The following CAPZA1 variants were observed in gnomAD, a reference collection of about 807,000 sequenced individuals.
CAPZA1 encodes F-actin-capping protein subunit alpha-1.
In CAPZA1, 10 loss-of-function variants were observed where a neutral mutation model predicts 40.8. That is an observed-to-expected ratio of 0.25 (90% confidence interval 0.15 to 0.42). The LOEUF (loss-of-function observed/expected upper bound fraction) is 0.42, where lower values mean the gene tolerates loss of function less well. Among genes scored for constraint, CAPZA1 ranks in the 10% least tolerant of loss-of-function variants. The pLI is 1.00. For synonymous variants in CAPZA1, 98 were observed against 115.0 expected (o/e 0.85, Z 0.95); for missense variants, 277 against 353.8 (o/e 0.78, Z 1.74).
At chr1:112,629,173 A>G (rs1670872736) in intron 1 of CAPZA1, among the ~76,000 whole-genome samples, 1 of 152,092 alleles carries the variant, frequency 6.6e-6, no homozygotes, top group Non-Finnish European at 1.5e-5. Context: ...TATCTCCTAC[A>G]TGTTCTTCTT....
At chr1:112,660,256 T>C (rs1458795229) in intron 7 of CAPZA1, among the ~76,000 whole-genome samples, 3 of 150,502 alleles carry the variant, frequency 2.0e-5, no homozygotes, top group Non-Finnish European at 3.0e-5. Flanking sequence ...CAGAAGTAGA[T>C]TGATTGATTG....
chr1:112,649,264 G>A lies in CAPZA1; in HGVS notation c.104-154G>A, dbSNP rs182759102. On this transcript the variant is annotated intron_variant, in intron 2 of 9. Transcript: ENST00000263168. The stretch of plus-strand genomic sequence containing the variant: ...ATTGTACACAAATCTGTGAACATTA[G>A]CATCTTTTTATTTGCATGTTTAGAA... 3.0e-3 allele frequency among the ~76,000 whole-genome samples: 454 copies of A among 152,248 alleles called. 1 individual carries two copies. The highest frequency in any genetic ancestry group is 0.01 in the African/African-American group (434 of 41,546).
At chr1:112,656,439 G>GGTTTTT (rs1671501002) in intron 5 of CAPZA1, among the ~76,000 whole-genome samples, 1 of 9,044 alleles carries the variant, frequency 1.1e-4, no homozygotes, top group Non-Finnish European at 2.0e-4. Flanking sequence ...CATTATGTTT[G>GGTTTTT]ATTTTTTTTT....
At chr1:112,619,910 C>T in intron 1 of CAPZA1, 27 bp downstream of exon 1, 1 of 1,586,826 alleles carries the variant, frequency 6.3e-7, no homozygotes, top group South Asian at 1.1e-5. Context: ...TCTCTCTTAC[C>T]TCCTCCCCCG....
chr1:112,638,897 C>CATAGATATAGATATAGATATAGAT (rs71084484), intron 1 of CAPZA1, among the ~76,000 whole-genome samples: 1,684 of 139,110 alleles, frequency 0.012, 38 homozygotes, highest in African/African-American at 0.042. Flanking sequence ...AGCGAGACTC[C>CATAGATATAGATATAGATATAGAT]ATAGATATAG....
chr1:112,626,534 A>G (rs1670810603), intron 1 of CAPZA1, among the ~76,000 whole-genome samples: 1 of 152,068 alleles, frequency 6.6e-6, no homozygotes, highest in Non-Finnish European at 1.5e-5. Flanking sequence ...AGTAGCCAAT[A>G]TTACCAATTC....
chr1:112,631,236 GTTTGT>G (rs1322448119), intron 1 of CAPZA1, among the ~76,000 whole-genome samples: 1 of 152,164 alleles, frequency 6.6e-6, no homozygotes, highest in Admixed American at 6.6e-5. Context: ...TTGTTTTGTG[GTTTGT>G]TTTGAGTGAA....
rs988847461 is a variant in CAPZA1, at chr1:112,664,649, G to A, written c.586-2425G>A. On this transcript the variant is annotated intron_variant, in intron 7 of 9. Transcript: ENST00000263168. ...ATAAGAGTTTTTGTAAAGATTAAAT[G>A]TGGTGGCCTAGCGCAGTGGCTCATG... 3.9e-5 allele frequency among the ~76,000 whole-genome samples: 6 copies of A among 152,204 alleles called. 1 individual carries two copies. Among genetic ancestry groups the A allele is most frequent in the Admixed American group, 2.6e-4 (4 of 15,286 alleles).
rs60802838 is a variant in CAPZA1 at position 112,644,184 on chromosome 1, C to CTTTTTTTTTT, written c.40-3011_40-3002dup. Reference sequence around the variant, plus strand: ...TTTTTTTCTAATTCTCTTCTCCCAGCTTTTTTTTTTTTTTTTTTTTTTTTG... The same window carrying CTTTTTTTTTT: ...TTTTTTTCTAATTCTCTTCTCCCAGCTTTTTTTTTTTTTTTTTTTTTTTTTTTTTTTTTTG... On this transcript the variant is annotated intron_variant, in intron 1 of 9. Coordinates refer to ENST00000263168, the MANE Select transcript of CAPZA1 (RefSeq NM_006135.3). 1.8e-3 allele frequency among the ~76,000 whole-genome samples: 101 copies of CTTTTTTTTTT among 56,790 alleles called. 12 individuals are homozygous for CTTTTTTTTTT. Among genetic ancestry groups the CTTTTTTTTTT allele is most frequent in the African/African-American group, 5.4e-3 (68 of 12,660 alleles). 37.3% of individuals were successfully genotyped at this position (56,790 alleles called of 152,430 possible). A position where few individuals can be genotyped will look rare whatever the true frequency, so the allele number is the denominator to read the frequency against.
intron 1 of CAPZA1, among the ~76,000 whole-genome samples, chr1:112,642,955 G>C (rs913177815): frequency 6.6e-6 from 1 of 152,050 alleles, no homozygotes; most frequent in African/African-American, 2.4e-5. Flanking sequence ...TTGATAGTGT[G>C]TGAATATGTA....
chr1:112,653,870 A>G (rs754749996), intron 4 of CAPZA1, among the ~76,000 whole-genome samples: 1 of 152,232 alleles, frequency 6.6e-6, no homozygotes, highest in Non-Finnish European at 1.5e-5. Context: ...CTTAACAAGA[A>G]CAGTGAAAAT....
rs1159495836 is a variant in CAPZA1, at chr1:112,669,530, C to T, written c.658-13C>T. On this transcript the variant is annotated splice_polypyrimidine_tract_variant and intron_variant, in intron 8 of 9. Transcript: ENST00000263168. ...AAAAAATCTGATTTTCCCCTTCTTC[C>T]TTCCTTCATTAGAATGAAGCCCAAA... 5.0e-6 allele frequency: 8 copies of T among 1,596,508 alleles called. No homozygotes were observed. The East Asian group carries it at 1.6e-4, about 31-fold the overall frequency.
chr1:112,669,844 G>A (rs2101195931), intron 9 of CAPZA1, 148 bp from the exon 10 acceptor site: 1 of 890,932 alleles, frequency 1.1e-6, no homozygotes, highest in South Asian at 1.7e-5. Flanking sequence ...ACCTACTTCA[G>A]AGATTGGAGA....
At chr1:112,638,134 A>G (rs975170660) in intron 1 of CAPZA1, among the ~76,000 whole-genome samples, 1 of 152,172 alleles carries the variant, frequency 6.6e-6, no homozygotes, top group Non-Finnish European at 1.5e-5. Flanking sequence ...AGGGAAGGGT[A>G]GTTTATTTGG....
chr1:112,653,004 G>A (rs895409785), intron 3 of CAPZA1, among the ~76,000 whole-genome samples: 21 of 152,064 alleles, frequency 1.4e-4, no homozygotes, highest in South Asian at 4.1e-4. Context: ...CACCTTCTTC[G>A]CATGTCAGAT....
At chr1:112,623,862 C>T (rs183921595) in intron 1 of CAPZA1, among the ~76,000 whole-genome samples, 8 of 150,020 alleles carry the variant, frequency 5.3e-5, no homozygotes, top group Admixed American at 4.0e-4. Context: ...AAAAATTAGC[C>T]GGGCGTGGTG....
intron 1 of CAPZA1, among the ~76,000 whole-genome samples, chr1:112,628,663 A>G (rs1215733486): frequency 2.6e-5 from 4 of 152,218 alleles, no homozygotes; most frequent in African/African-American, 9.7e-5. Context: ...AGATAGGTTC[A>G]TTTGTTATCA....
intron 1 of CAPZA1, 124 bp downstream of exon 1, chr1:112,620,007 G>A: frequency 1.4e-6 from 1 of 731,560 alleles, no homozygotes; most frequent in Non-Finnish European, 2.3e-6. Flanking sequence ...GCTGACATAC[G>A]CTCTCCGCAG....
chr1:112,631,296 A>G (rs758789589), intron 1 of CAPZA1, among the ~76,000 whole-genome samples: 2 of 152,220 alleles, frequency 1.3e-5, no homozygotes, highest in African/African-American at 2.4e-5. Flanking sequence ...TTAAAAGACA[A>G]CATAACTCAG....
Sources: allele counts gnomAD v4.1 joint callset (sites outside exome capture counted in the v4.1 genomes callset), GRCh38; gene constraint gnomAD v4.1.1; transcripts MANE v1.5; gene names NCBI Gene and HGNC (gene_info 2026-07-23, HGNC 2026-07-21).